Variants in GABBR2 observed in about 807,000 individuals in gnomAD.
GABBR2 encodes the protein G-protein coupled receptor 51.
GABBR2 carries 23 observed loss-of-function variants against 105.6 expected under a neutral mutation model. The ratio of observed to expected loss-of-function variants is 0.22; its 90% CI spans 0.16 to 0.31. GABBR2 has a LOEUF of 0.31. Ranked by LOEUF, GABBR2 falls within the 10% of genes least tolerant of loss-of-function variation. The pLI is 1.00. For synonymous variants in GABBR2, 478 were observed against 499.7 expected (o/e 0.96, Z 0.58); for missense variants, 734 against 1,245.5 (o/e 0.59, Z 6.18).
chr9:98,586,671 T>C (rs1397017729), intron 1 of GABBR2, among the ~76,000 whole-genome samples: 1 of 152,264 alleles, frequency 6.6e-6, no homozygotes, highest in Non-Finnish European at 1.5e-5. Context: ...TTTACTCATT[T>C]CCGAACATAC....
At chr9:98,406,264 C>T in intron 7 of GABBR2, 123 bp from the exon 8 acceptor site, 1 of 564,946 alleles carries the variant, frequency 1.8e-6, no homozygotes, top group East Asian at 3.3e-5. Context: ...GGAGGAAAAA[C>T]AGATTCCCGC....
At chr9:98,292,563 C>T (rs1459931053) in intron 18 of GABBR2, among the ~76,000 whole-genome samples, 1 of 152,180 alleles carries the variant, frequency 6.6e-6, no homozygotes, top group Admixed American at 6.5e-5. Context: ...CATGGAACTA[C>T]AGTGTTGGAG....
At chr9:98,407,673 T>A (rs575216719) in intron 7 of GABBR2, among the ~76,000 whole-genome samples, 7 of 152,302 alleles carry the variant, frequency 4.6e-5, no homozygotes, top group Admixed American at 3.3e-4. Flanking sequence ...TTTACCAATC[T>A]TCTGCCAAGC....
rs761022801 is a variant in GABBR2 at position 98,385,615 on chromosome 9, C to A, written c.1662+25G>T. The A allele has an allele frequency of 3.1e-6, 5 of 1,606,608 alleles. No homozygotes were observed. The South Asian group carries it at 5.5e-5, about 18-fold the overall frequency. ...ACCAAGGAAACTTTCTATCATATACCACTGGCTTATGCAGAATGACTTACG... is the reference window on the plus strand; with the variant it reads ...ACCAAGGAAACTTTCTATCATATACAACTGGCTTATGCAGAATGACTTACG... On this transcript the variant is annotated intron_variant, in intron 11 of 18. Transcript: ENST00000259455.
intron 9 of GABBR2, among the ~76,000 whole-genome samples, chr9:98,392,369 A>AT: frequency 6.6e-6 from 1 of 152,248 alleles, no homozygotes; most frequent in East Asian, 1.9e-4. Flanking sequence ...CCCCAGTCCG[A>AT]TAGCAGACAT....
intron 12 of GABBR2, among the ~76,000 whole-genome samples, chr9:98,365,032 T>C (rs1320900525): frequency 6.6e-6 from 1 of 152,132 alleles, no homozygotes; most frequent in African/African-American, 2.4e-5. Context: ...ATTTGTAAAA[T>C]GGGCAGGGGC....
At chr9:98,515,772 C>G (rs941805395) in intron 3 of GABBR2, among the ~76,000 whole-genome samples, 1 of 152,092 alleles carries the variant, frequency 6.6e-6, no homozygotes, top group Non-Finnish European at 1.5e-5. Context: ...AGGATTGACT[C>G]TGGAGTGAAT....
chr9:98,422,463 A>G (rs981851209), intron 7 of GABBR2, among the ~76,000 whole-genome samples: 2 of 151,942 alleles, frequency 1.3e-5, no homozygotes, highest in South Asian at 2.1e-4. Flanking sequence ...AGAAATTCTC[A>G]TAAGTGGACA....
At chr9:98,315,695 A>G (rs946517644) in intron 13 of GABBR2, among the ~76,000 whole-genome samples, 1 of 152,194 alleles carries the variant, frequency 6.6e-6, no homozygotes, top group African/African-American at 2.4e-5. Context: ...ATTGTCGTGC[A>G]CCAAAGCAGC....
chr9:98,397,083 G>A (rs1832306244), intron 8 of GABBR2, among the ~76,000 whole-genome samples: 1 of 152,178 alleles, frequency 6.6e-6, no homozygotes, highest in Admixed American at 6.5e-5. Flanking sequence ...ACTGAACATG[G>A]GTCTCCTAGT....
chr9:98,313,900 A>T (rs1830674624), intron 13 of GABBR2, among the ~76,000 whole-genome samples: 1 of 152,132 alleles, frequency 6.6e-6, no homozygotes, highest in Non-Finnish European at 1.5e-5. Flanking sequence ...GGTGGGGGAA[A>T]GATGGTGCTC....
At chr9:98,521,915 C>A (rs1292020093) in intron 3 of GABBR2, among the ~76,000 whole-genome samples, 1 of 152,126 alleles carries the variant, frequency 6.6e-6, no homozygotes, top group Non-Finnish European at 1.5e-5. Context: ...GAAAGAATAT[C>A]ATCTCTAAAA....
At chr9:98,572,757 G>T (rs1207024584) in intron 2 of GABBR2, among the ~76,000 whole-genome samples, 1 of 152,114 alleles carries the variant, frequency 6.6e-6, no homozygotes, top group Non-Finnish European at 1.5e-5. Flanking sequence ...TCCTTGCCTG[G>T]CTGCACAAGC....
At chr9:98,512,909 A>C (rs1221978920) in intron 3 of GABBR2, among the ~76,000 whole-genome samples, 1 of 152,180 alleles carries the variant, frequency 6.6e-6, no homozygotes, top group Non-Finnish European at 1.5e-5. Context: ...AAACTACTTT[A>C]AAGTTCATAT....
chr9:98,465,673 T>G (rs551847993), intron 6 of GABBR2, among the ~76,000 whole-genome samples: 1 of 152,344 alleles, frequency 6.6e-6, no homozygotes, highest in African/African-American at 2.4e-5. Context: ...ATCAAAACTT[T>G]ACAGATGACT....
chr9:98,413,777 C>T (rs1049599297), intron 7 of GABBR2, among the ~76,000 whole-genome samples: 9 of 152,228 alleles, frequency 5.9e-5, no homozygotes, highest in East Asian at 1.9e-4. Flanking sequence ...GGGCTGTGTG[C>T]GGTGGAGGGA....
Position 98,578,108 on chromosome 9 carries a change from A to G in GABBR2, c.322-36T>C, listed in dbSNP as rs751067771. ...ACACATAGAAAGAAAGGTCCAAATT[A>G]GAAACAGCTTTTCCCCAGGGGCATG... On this transcript the variant is annotated intron_variant, in intron 1 of 18. Transcript: ENST00000259455. 4 of 1,610,958 alleles carry G rather than the reference A, an allele frequency of 2.5e-6. No individual in the cohort carries two copies. The South Asian group carries it at 4.4e-5, about 18-fold the overall frequency.
In GABBR2 at chr9:98,311,230, C is replaced by G; in HGVS notation, c.1894-25G>C. 7.0e-7 allele frequency: 1 copy of G among 1,432,094 alleles called. No homozygotes were observed. Among genetic ancestry groups the G allele is most frequent in the Non-Finnish European group, 9.9e-7 (1 of 1,014,272 alleles). 88.7% of individuals were successfully genotyped at this position (1,432,094 alleles called of 1,614,324 possible). A position where few individuals can be genotyped will look rare whatever the true frequency, so the allele number is the denominator to read the frequency against. ...GCTGTGCAAAGAGAAAACAGAGACT[C>G]AGGGATGGCACAGGACACTCTTCCA... is the stretch of plus-strand genomic sequence containing the variant. On this transcript the variant is annotated intron_variant, in intron 13 of 18. Transcript: ENST00000259455.
chr9:98,449,884 C>T (rs1826203067), intron 7 of GABBR2, among the ~76,000 whole-genome samples: 1 of 152,080 alleles, frequency 6.6e-6, no homozygotes, highest in South Asian at 2.1e-4. Flanking sequence ...ATCAGAGGGC[C>T]ACAGGGACAT....
Sources: allele counts gnomAD v4.1 joint callset (sites outside exome capture counted in the v4.1 genomes callset), GRCh38; gene constraint gnomAD v4.1.1; transcripts MANE v1.5; gene names NCBI Gene and HGNC (gene_info 2026-07-23, HGNC 2026-07-21).